DAB1: variants seen among roughly 807,000 people sequenced by gnomAD.
DAB1 encodes DAB adaptor protein 1, also known as disabled homolog 1.
DAB1 carries 15 observed loss-of-function variants against 64.6 expected under a neutral mutation model. The ratio of observed to expected loss-of-function variants is 0.23; its 90% CI spans 0.16 to 0.36. The LOEUF (loss-of-function observed/expected upper bound fraction) is 0.36, where lower values mean the gene tolerates loss of function less well. Ranked by LOEUF, DAB1 falls within the 10% of genes least tolerant of loss-of-function variation. The pLI is 1.00. For missense variants in DAB1, 596 were observed against 706.7 expected (o/e 0.84, Z 1.78); for synonymous variants, 235 against 251.9 (o/e 0.93, Z 0.64).
At chr1:57,390,502 A>G (rs1366384731) in intron 1 of DAB1, among the ~76,000 whole-genome samples, 1 of 152,202 alleles carries the variant, frequency 6.6e-6, no homozygotes, top group African/African-American at 2.4e-5. Flanking sequence ...TCCTTAATTC[A>G]TGGAAACCAA....
chr1:57,322,652 C>A (rs1157683219), intron 1 of DAB1, among the ~76,000 whole-genome samples: 1 of 152,166 alleles, frequency 6.6e-6, no homozygotes, highest in Non-Finnish European at 1.5e-5. Context: ...ATTTTCCATT[C>A]ACTTTTATGA....
At chr1:57,104,151 C>T (rs1570698036) in intron 4 of DAB1, among the ~76,000 whole-genome samples, 1 of 152,220 alleles carries the variant, frequency 6.6e-6, no homozygotes, top group Non-Finnish European at 1.5e-5. Flanking sequence ...TGTTTCTGAT[C>T]TGTAACAAGA....
At chr1:57,501,824 C>T (rs1478385922) in intron 7 of DAB1, among the ~76,000 whole-genome samples, 1 of 152,102 alleles carries the variant, frequency 6.6e-6, no homozygotes, top group Non-Finnish European at 1.5e-5. Context: ...TACTTTATTC[C>T]TTATAATTGA....
intron 2 of DAB1, among the ~76,000 whole-genome samples, chr1:57,163,568 G>A (rs1660958008): frequency 6.6e-6 from 1 of 152,052 alleles, no homozygotes; most frequent in South Asian, 2.1e-4. Flanking sequence ...CACGCTGGTG[G>A]TGGGGGCGGC....
chr1:57,011,683 C>T (rs559242206), intron 12 of DAB1, among the ~76,000 whole-genome samples: 2 of 152,342 alleles, frequency 1.3e-5, no homozygotes, highest in South Asian at 4.1e-4. Flanking sequence ...TTGCTTTCTT[C>T]TTTCTGTGTT....
chr1:57,186,840 AT>A (rs1269428350), intron 2 of DAB1, among the ~76,000 whole-genome samples: 1 of 152,152 alleles, frequency 6.6e-6, no homozygotes, highest in African/African-American at 2.4e-5. Flanking sequence ...TTCTGTGTCA[AT>A]TTCTTAAGGA....
At chr1:58,423,607 C>G (rs1644793787) in intron 3 of DAB1, among the ~76,000 whole-genome samples, 1 of 152,210 alleles carries the variant, frequency 6.6e-6, no homozygotes, top group African/African-American at 2.4e-5. Context: ...ATGCCACTGG[C>G]AGAAGATCCA....
chr1:57,329,195 G>C (rs1020486806), intron 1 of DAB1, among the ~76,000 whole-genome samples: 1 of 152,156 alleles, frequency 6.6e-6, no homozygotes, highest in Non-Finnish European at 1.5e-5. Flanking sequence ...TGGCTTAGCA[G>C]GCCAATTAAT....
chr1:57,721,225 T>A (rs995337689), intron 6 of DAB1, among the ~76,000 whole-genome samples: 5 of 152,158 alleles, frequency 3.3e-5, no homozygotes, highest in Non-Finnish European at 7.3e-5. Context: ...ATTGAATGAC[T>A]GATCTAATTC....
chr1:57,544,177 G>A (rs1023344991), intron 7 of DAB1, among the ~76,000 whole-genome samples: 1 of 152,164 alleles, frequency 6.6e-6, no homozygotes, highest in African/African-American at 2.4e-5. Context: ...ACCAATGCAT[G>A]AGAATATGCA....
chr1:57,039,759 T>G (rs1044402108), intron 9 of DAB1, among the ~76,000 whole-genome samples: 25 of 152,174 alleles, frequency 1.6e-4, no homozygotes, highest in African/African-American at 5.8e-4. Context: ...AGGTTGGGGT[T>G]GGTGGCATGA....
chr1:57,602,522 G>A, intron 7 of DAB1, among the ~76,000 whole-genome samples: 1 of 152,184 alleles, frequency 6.6e-6, no homozygotes, highest in Non-Finnish European at 1.5e-5. Flanking sequence ...ATGAAAGGAT[G>A]AGGGTGAGTA....
intron 7 of DAB1, among the ~76,000 whole-genome samples, chr1:57,570,209 T>C (rs1449277378): frequency 6.6e-6 from 1 of 152,082 alleles, no homozygotes; most frequent in East Asian, 1.9e-4. Flanking sequence ...CAGAAAAATG[T>C]GAAAAGAGAG....
chr1:58,356,379 C>T (rs1032672559), intron 3 of DAB1, among the ~76,000 whole-genome samples: 2 of 152,002 alleles, frequency 1.3e-5, no homozygotes, highest in South Asian at 4.2e-4. Context: ...TATTTTAGAG[C>T]GAGACAAAAA....
Position 57,730,508 on chromosome 1 carries a change from T to C in DAB1, n.552-80843A>G, listed in dbSNP as rs114426792. On this transcript the variant is annotated intron_variant and non_coding_transcript_variant, in intron 6 of 20. Coordinates refer to the DAB1 transcript ENST00000485760. The stretch of plus-strand genomic sequence containing the variant: ...TTCTCTAATTCAAACCAAGTGTAGA[T>C]GTCTCCAAACTTAAGGGGGCCTGAA... 6.5e-3 allele frequency among the ~76,000 whole-genome samples: 984 copies of C among 152,158 alleles called. 10 individuals carry two copies. Among genetic ancestry groups the C allele is most frequent in the African/African-American group, 0.023 (936 of 41,484 alleles).
intron 4 of DAB1, among the ~76,000 whole-genome samples, chr1:58,187,296 A>C (rs938656648): frequency 1.5e-5 from 2 of 131,324 alleles, no homozygotes; most frequent in South Asian, 5.5e-4. Flanking sequence ...TTAACTCTAC[A>C]AAAAAAAAAA....
intron 5 of DAB1, among the ~76,000 whole-genome samples, chr1:58,144,731 C>G (rs893160085): frequency 6.6e-6 from 1 of 152,148 alleles, no homozygotes; most frequent in Non-Finnish European, 1.5e-5. Flanking sequence ...TGGTGATACA[C>G]CCGGGGTCAC....
At position 56,995,673 on chromosome 1, in the gene DAB1, A is replaced by T. The variant is rs1032815641; in HGVS notation, c.*2471T>A. ...CCCAAAGAATTGGTATAATGGTGTG[A>T]TACTGCAAGACAAACTCAAGACAGC... On this transcript the variant is annotated 3_prime_UTR_variant, in exon 15 of 15. Transcript: ENST00000371236. 1.3e-5 allele frequency: 2 copies of T among 152,238 alleles called. No individual in the cohort carries two copies. Among genetic ancestry groups the T allele is most frequent in the Non-Finnish European group, 2.9e-5 (2 of 68,044 alleles). The allele number at this position is 152,238 out of a possible 1,614,324, so 9.4% of individuals were successfully genotyped here. A position where few individuals can be genotyped will look rare whatever the true frequency, so the allele number is the denominator to read the frequency against.
rs544440207 is a variant in DAB1, at chr1:57,122,573, T to A, written c.306+13970A>T. Among the ~76,000 whole-genome samples, 164 of 152,266 alleles carry A rather than the reference T, an allele frequency of 1.1e-3. 4 individuals are homozygous for A. The South Asian group carries it at 0.031, about 29-fold the overall frequency. ...GTTCTCTAGAAGACCTCATCCAGACTGCAGGAATAGAGATACTGTAGGTGG... is the reference window on the plus strand; with the variant it reads ...GTTCTCTAGAAGACCTCATCCAGACAGCAGGAATAGAGATACTGTAGGTGG... On this transcript the variant is annotated intron_variant, in intron 4 of 14. Transcript: ENST00000371236.
Sources: gnomAD v4.1 joint callset for allele counts (sites outside exome capture counted in the v4.1 genomes callset) on GRCh38, gnomAD v4.1.1 for gene constraint, MANE v1.5 for transcripts, NCBI Gene and HGNC (gene_info 2026-07-23, HGNC 2026-07-21) for gene names.